Variants in PATJ observed in about 807,000 individuals in gnomAD.
PATJ encodes PATJ crumbs cell polarity complex component.
PATJ carries 190 observed loss-of-function variants against 224.9 expected under a neutral mutation model. That is an observed-to-expected ratio of 0.84 (90% CI 0.75 to 0.95). The LOEUF (loss-of-function observed/expected upper bound fraction) is 0.95, where lower values mean the gene tolerates loss of function less well. PATJ is among the 40% of genes least tolerant of loss of function. The probability of loss-of-function intolerance (pLI) is 0.00; values close to 1 mark genes in which losing one functional copy is unlikely to be tolerated. For missense variants in PATJ, 2,121 were observed against 2,270.3 expected, an observed-to-expected ratio of 0.93 and a Z score of 1.34; for synonymous variants, 769 against 820.3, an observed-to-expected ratio of 0.94 and a Z score of 1.07.
chr1:61,925,707 A>G (rs1031282408), intron 26 of PATJ, among the ~76,000 whole-genome samples: 39 of 152,232 alleles, frequency 2.6e-4, no homozygotes, highest in African/African-American at 8.9e-4. Context: ...AGAAAAAAAT[A>G]AAAACATGAC....
intron 18 of PATJ, among the ~76,000 whole-genome samples, chr1:61,858,112 C>T (rs958243963): frequency 3.3e-5 from 5 of 152,132 alleles, no homozygotes; most frequent in Admixed American, 2.6e-4. Flanking sequence ...CACAGTTCTA[C>T]AGCCTGTACA....
intron 29 of PATJ, among the ~76,000 whole-genome samples, chr1:62,030,487 GTTGTC>G (rs1253863776): frequency 6.6e-6 from 1 of 152,040 alleles, no homozygotes; most frequent in African/African-American, 2.4e-5. Context: ...AGCCAACATA[GTTGTC>G]TTGTACTACA....
At chr1:62,024,812 T>C (rs1647524511) in intron 29 of PATJ, among the ~76,000 whole-genome samples, 1 of 152,146 alleles carries the variant, frequency 6.6e-6, no homozygotes, top group South Asian at 2.1e-4. Context: ...GGGTGTTCAA[T>C]GTGTCTTACA....
chr1:61,770,513 C>T (rs924994332), intron 5 of PATJ, among the ~76,000 whole-genome samples: 19 of 152,260 alleles, frequency 1.2e-4, no homozygotes, highest in African/African-American at 4.6e-4. Context: ...ATGTAAAGCA[C>T]TCAACATAGT....
At chr1:61,788,366 T>A (rs899486730) in intron 8 of PATJ, among the ~76,000 whole-genome samples, 5 of 151,890 alleles carry the variant, frequency 3.3e-5, no homozygotes, top group African/African-American at 1.2e-4. Context: ...TTATACTAAT[T>A]ATTTTAATTA....
At chr1:62,071,128 G>A (rs1048502254) in intron 31 of PATJ, among the ~76,000 whole-genome samples, 1 of 152,182 alleles carries the variant, frequency 6.6e-6, no homozygotes, top group African/African-American at 2.4e-5. Flanking sequence ...ACAAAGGTAA[G>A]TTAGTCTTAC....
intron 27 of PATJ, among the ~76,000 whole-genome samples, chr1:61,967,226 A>G (rs1006308800): frequency 5.9e-5 from 9 of 152,342 alleles, no homozygotes; most frequent in Admixed American, 4.6e-4. Context: ...CAAATCAAGC[A>G]TTAGTCAGTT....
chr1:61,793,365 G>A (rs906627277), intron 9 of PATJ, among the ~76,000 whole-genome samples: 1 of 152,164 alleles, frequency 6.6e-6, no homozygotes, highest in Admixed American at 6.5e-5. Flanking sequence ...GAAGGGTTTC[G>A]ATAGGTCAGA....
At chr1:61,920,702 CT>C (rs71582652) in intron 26 of PATJ, among the ~76,000 whole-genome samples, 9,759 of 89,306 alleles carry the variant, frequency 0.11, 104 homozygotes, top group Middle Eastern at 0.22. Context: ...GTATGGAATT[CT>C]TTTTTTTTTT....
intron 4 of PATJ, among the ~76,000 whole-genome samples, chr1:61,767,835 C>T (rs545196897): frequency 6.6e-6 from 1 of 151,802 alleles, no homozygotes; most frequent in East Asian, 2.0e-4. Flanking sequence ...TGTCACCACG[C>T]CTGGCTAATT....
chr1:61,969,344 G>A (rs1425159973), intron 27 of PATJ, among the ~76,000 whole-genome samples: 2 of 152,062 alleles, frequency 1.3e-5, no homozygotes, highest in Admixed American at 6.6e-5. Context: ...TCCTACCAAC[G>A]ATGCATAAAC....
chr1:62,067,335 G>A (rs1186873146), intron 31 of PATJ, among the ~76,000 whole-genome samples: 1 of 151,674 alleles, frequency 6.6e-6, no homozygotes, highest in South Asian at 2.1e-4. Context: ...CACCATGTTA[G>A]CCAGGATGGT....
chr1:62,119,599 C>G (rs1008068843), intron 37 of PATJ, among the ~76,000 whole-genome samples: 1 of 152,090 alleles, frequency 6.6e-6, no homozygotes, highest in Non-Finnish European at 1.5e-5. Context: ...CTTGCGAGAT[C>G]TTTTCCTCAG....
At chr1:62,096,332 A>G (rs1462442340) in intron 33 of PATJ, among the ~76,000 whole-genome samples, 1 of 152,144 alleles carries the variant, frequency 6.6e-6, no homozygotes, top group Non-Finnish European at 1.5e-5. Context: ...AATAAATTTT[A>G]GGGAGTAGAT....
chr1:61,859,989 C>T (rs1279398278), intron 18 of PATJ, among the ~76,000 whole-genome samples: 1 of 152,118 alleles, frequency 6.6e-6, no homozygotes, highest in Non-Finnish European at 1.5e-5. Flanking sequence ...TGTGAATAAG[C>T]AGATCCCAAG....
At position 61,914,616 on chromosome 1, in the gene PATJ, C is replaced by A; in HGVS notation, c.3522C>A (p.Asn1174Lys). ...TTCCTAACGTACATAACAAGGCCAA[C>A]AAAATCACCGGTAACCAGAACCAGG... is the stretch of plus-strand genomic sequence containing the variant. Reference protein sequence around the residue: ...RVIPNVHNKANKITGNQNQDT... With the variant: ...RVIPNVHNKAKKITGNQNQDT... Residue 1174 changes from asparagine (N) to lysine (K), a missense_variant, in exon 26 of 44, where the codon AAC (asparagine) becomes AAA (lysine). Physicochemically the swap from Asn to Lys is moderately conservative, Grantham distance 94. Coordinates refer to ENST00000642238, the MANE Select transcript of PATJ (RefSeq NM_001350145.3). 1 of 1,580,876 alleles carries A rather than the reference C, an allele frequency of 6.3e-7. No homozygotes were observed. The highest frequency in any genetic ancestry group is 8.7e-7 in the Non-Finnish European group (1 of 1,150,828).
intron 27 of PATJ, among the ~76,000 whole-genome samples, chr1:61,951,306 A>G (rs1489904087): frequency 1.3e-5 from 2 of 152,180 alleles, no homozygotes; most frequent in African/African-American, 2.4e-5. Flanking sequence ...AGCGCTTGAT[A>G]TAATTTGGAT....
At chr1:62,038,349 A>T (rs1422014745) in intron 30 of PATJ, 1 of 196,238 alleles carries the variant, frequency 5.1e-6, no homozygotes, top group Non-Finnish European at 1.0e-5. Context: ...TTATGACTGA[A>T]TTGTACCCCT....
At chr1:62,128,297 G>C (rs1024818267) in intron 40 of PATJ, 2 of 522,618 alleles carry the variant, frequency 3.8e-6, no homozygotes, top group Non-Finnish European at 6.6e-6. Context: ...TTGTATCAAA[G>C]CTTCTCCATA....
Sources: gnomAD v4.1 joint callset for allele counts (sites outside exome capture counted in the v4.1 genomes callset) on GRCh38, gnomAD v4.1.1 for gene constraint, MANE v1.5 for transcripts, NCBI Gene and HGNC (gene_info 2026-07-23, HGNC 2026-07-21) for gene names.